Variants in UTRN observed in about 807,000 individuals in gnomAD.
UTRN encodes dystrophin-related protein 1.
Under a neutral mutation model 463.9 loss-of-function variants are expected in UTRN, and 283 were observed. The observed-to-expected ratio is 0.61, with a 90% CI of 0.55 to 0.67. The LOEUF is 0.67. Ranked by LOEUF, UTRN falls within the 30% of genes least tolerant of loss-of-function variation. UTRN has a pLI of 0.00. For synonymous variants in UTRN, 1,442 were observed against 1,431.5 expected (o/e 1.01, Z -0.17); for missense variants, 3,922 against 4,084.3 (o/e 0.96, Z 1.08).
intron 33 of UTRN, among the ~76,000 whole-genome samples, chr6:144,498,317 T>A (rs764221246): frequency 6.6e-6 from 1 of 152,242 alleles, no homozygotes; most frequent in Non-Finnish European, 1.5e-5. Flanking sequence ...TTTTATTGCA[T>A]ACGTGTGTAA....
At chr6:144,648,557 T>C (rs1018626477) in intron 51 of UTRN, among the ~76,000 whole-genome samples, 1 of 152,178 alleles carries the variant, frequency 6.6e-6, no homozygotes, top group Non-Finnish European at 1.5e-5. Context: ...CAAATTAACG[T>C]TTTCTATCAT....
chr6:144,748,205 T>C, intron 54 of UTRN, 41 bp from the exon 55 acceptor site: 2 of 1,563,540 alleles, frequency 1.3e-6, no homozygotes, highest in Non-Finnish European at 1.7e-6. Context: ...GAATATATAA[T>C]CAGACATCCA....
chr6:144,329,335 C>A (rs1383410496), intron 2 of UTRN, among the ~76,000 whole-genome samples: 1 of 152,096 alleles, frequency 6.6e-6, no homozygotes, highest in African/African-American at 2.4e-5. Flanking sequence ...CCTGCCTCGG[C>A]CTCCCAAAGT....
At chr6:144,288,626 G>A (rs967634272) in intron 1 of UTRN, among the ~76,000 whole-genome samples, 2 of 151,916 alleles carry the variant, frequency 1.3e-5, no homozygotes, top group Admixed American at 6.6e-5. Context: ...ATGAAAGAAT[G>A]TAATCATATA....
At chr6:144,465,792 G>T (rs1289350034) in intron 23 of UTRN, among the ~76,000 whole-genome samples, 3 of 152,066 alleles carry the variant, frequency 2.0e-5, no homozygotes, top group Non-Finnish European at 2.9e-5. Context: ...CCTGATATAT[G>T]ATTTTTTAGG....
intron 41 of UTRN, among the ~76,000 whole-genome samples, chr6:144,530,014 C>G (rs1796895242): frequency 6.6e-6 from 1 of 152,132 alleles, no homozygotes; most frequent in African/African-American, 2.4e-5. Context: ...CTCAATAGCC[C>G]TCTGTCTTAT....
chr6:144,545,820 G>C (rs1358932111), intron 46 of UTRN, among the ~76,000 whole-genome samples: 1 of 152,178 alleles, frequency 6.6e-6, no homozygotes, highest in Non-Finnish European at 1.5e-5. Flanking sequence ...AGGAGTTCGA[G>C]ACCAGCCTGG....
chr6:144,678,428 C>A lies in UTRN; in HGVS notation c.7502C>A (p.Ala2501Asp), dbSNP rs1468882139. ...QMQDIQAEID[A>D]HNDIFKSIDG... ...TAGGACATCCAGGCAGAAATTGATG[C>A]CCACAATGACATATTTAAAAGCATT... Residue 2501 changes from alanine (A) to aspartate (D), a missense_variant, in exon 52 of 75, where the codon GCC (alanine) becomes GAC (aspartate). By Grantham distance (126) the Ala-to-Asp change is moderately radical. Transcript: ENST00000367545. 1 of 1,610,914 alleles carries A rather than the reference C, an allele frequency of 6.2e-7. No homozygotes were observed. The highest frequency in any genetic ancestry group is 2.2e-5 in the East Asian group (1 of 44,838).
chr6:144,547,668 T>G (rs1224679976), intron 46 of UTRN, among the ~76,000 whole-genome samples: 1 of 152,210 alleles, frequency 6.6e-6, no homozygotes, highest in Admixed American at 6.5e-5. Flanking sequence ...ATTGTGACTC[T>G]TCTCTTCTGT....
At chr6:144,783,478 G>T (rs1041578054) in intron 61 of UTRN, among the ~76,000 whole-genome samples, 1 of 151,924 alleles carries the variant, frequency 6.6e-6, no homozygotes, top group Non-Finnish European at 1.5e-5. Context: ...TATTTATGAG[G>T]TACACAGTGA....
Position 144,482,311 on chromosome 6 carries a change from A to G in UTRN, c.3610A>G (p.Thr1204Ala). The G allele has an allele frequency of 6.2e-7, 1 of 1,607,732 alleles. No homozygotes were observed. Among genetic ancestry groups the G allele is most frequent in the African/African-American group, 1.3e-5 (1 of 74,726 alleles). Residue 1204 changes from threonine (T) to alanine (A), a missense_variant, in exon 27 of 75, where the codon ACG (threonine) becomes GCG (alanine). Coordinates refer to ENST00000367545, the MANE Select transcript of UTRN (RefSeq NM_007124.3). ...GGTGCCCTCTGGTGGCCAGGAGTTGACGTCTGAGCTGAATGTTGTGCTGGA... is the reference window on the plus strand; with the variant it reads ...GGTGCCCTCTGGTGGCCAGGAGTTGGCGTCTGAGCTGAATGTTGTGCTGGA... ...AKVPSGGQEL[T>A]SELNVVLENY...
chr6:144,492,482 G>A (rs1195894735), intron 32 of UTRN, among the ~76,000 whole-genome samples: 1 of 152,082 alleles, frequency 6.6e-6, no homozygotes, highest in African/African-American at 2.4e-5. Context: ...TGATAAACAC[G>A]GGAGTGCATG....
chr6:144,462,856 G>T lies in UTRN; in HGVS notation c.3056G>T (p.Arg1019Ile). Reference sequence around the variant, plus strand: ...CTTGAGGAAATTGCTCTCACACTCAGAGCTTTTGAGGTAAATCCAGAGGCC... The same window carrying T: ...CTTGAGGAAATTGCTCTCACACTCATAGCTTTTGAGGTAAATCCAGAGGCC... ...HLLEEIALTL[R>I]AFEADSTVIE... is the part of the protein sequence containing the mutation. The change falls in exon 23 of 75, where the codon AGA becomes ATA. Residue 1019 changes from arginine to isoleucine, a missense_variant. This residue lies in a region of UTRN where 2,349 missense variants were observed against 2,303.8 expected (regional missense o/e 1.02). Transcript: ENST00000367545. 1 of 1,603,084 alleles carries T rather than the reference G, an allele frequency of 6.2e-7. No individual in the cohort carries two copies. Among genetic ancestry groups the T allele is most frequent in the South Asian group, 1.1e-5 (1 of 87,220 alleles).
chr6:144,808,067 A>T (rs932935042), intron 65 of UTRN, among the ~76,000 whole-genome samples: 1 of 152,148 alleles, frequency 6.6e-6, no homozygotes, highest in East Asian at 1.9e-4. Flanking sequence ...ACACACACAC[A>T]CGCAGTTAGC....
intron 51 of UTRN, among the ~76,000 whole-genome samples, chr6:144,587,407 C>T (rs565591612): frequency 2.0e-5 from 3 of 152,012 alleles, no homozygotes; most frequent in South Asian, 2.1e-4. Context: ...CATGTGTGGA[C>T]GTGGACAACA....
At chr6:144,353,246 C>T (rs1407107037) in intron 2 of UTRN, among the ~76,000 whole-genome samples, 2 of 152,104 alleles carry the variant, frequency 1.3e-5, no homozygotes, top group African/African-American at 2.4e-5. Flanking sequence ...TCCCGAGTAG[C>T]TGGGACTACA....
At chr6:144,289,861 C>G (rs1256763481) in intron 1 of UTRN, among the ~76,000 whole-genome samples, 1 of 152,058 alleles carries the variant, frequency 6.6e-6, no homozygotes, top group African/African-American at 2.4e-5. Flanking sequence ...ACCATGTTGG[C>G]CAGGCTGGTC....
In UTRN at chr6:144,523,013, T is replaced by C. The variant is rs1346435638; in HGVS notation, c.5734-3T>C. ...TTGTTAATCTATGACAATATATTTTTAGAATATCAAAGACCAACTGGACAA... is the reference window on the plus strand; with the variant it reads ...TTGTTAATCTATGACAATATATTTTCAGAATATCAAAGACCAACTGGACAA... On this transcript the variant is annotated splice_region_variant and splice_polypyrimidine_tract_variant and intron_variant, in intron 40 of 74. Transcript: ENST00000367545. 1.3e-6 allele frequency: 2 copies of C among 1,579,526 alleles called. No homozygotes were observed. Among genetic ancestry groups the C allele is most frequent in the Admixed American group, 1.9e-5 (1 of 53,360 alleles).
At chr6:144,493,593 A>G in intron 33 of UTRN, 137 bp downstream of exon 33, 1 of 910,884 alleles carries the variant, frequency 1.1e-6, no homozygotes, top group Non-Finnish European at 1.6e-6. Flanking sequence ...TATGAGATTC[A>G]TACGTGTTTT....
Sources: gnomAD v4.1 joint callset for allele counts (sites outside exome capture counted in the v4.1 genomes callset) on GRCh38, gnomAD v4.1.1 for gene constraint, gnomAD v4.1.1 regional missense constraint, MANE v1.5 for transcripts, NCBI Gene and HGNC (gene_info 2026-07-23, HGNC 2026-07-21) for gene names.